The following DAZAP1 variants were observed in gnomAD, a reference collection of about 807,000 sequenced individuals.
The protein encoded by DAZAP1 is DAZ associated protein 1, also known as DAZ-associated protein 1.
A neutral mutation model predicts 60.1 loss-of-function variants in DAZAP1; 6 were observed. The ratio of observed to expected loss-of-function variants is 0.10; its 90% CI spans 0.05 to 0.20. The LOEUF is 0.20. Ranked by LOEUF, DAZAP1 falls within the 10% of genes least tolerant of loss-of-function variation. The pLI is 1.00. For synonymous variants in DAZAP1, 235 were observed against 215.9 expected (o/e 1.09, Z -0.78); for missense variants, 366 against 560.4 (o/e 0.65, Z 3.50).
At chr19:1,419,223 A>T (rs1018097738) in intron 4 of DAZAP1, among the ~76,000 whole-genome samples, 5 of 152,154 alleles carry the variant, frequency 3.3e-5, no homozygotes, top group African/African-American at 1.2e-4. Context: ...TCTCCTTGGC[A>T]TTTGGGTCTC....
At chr19:1,417,639 T>C (rs2083026281) in intron 2 of DAZAP1, 99 bp downstream of exon 2, 2 of 1,130,698 alleles carry the variant, frequency 1.8e-6, no homozygotes, top group Non-Finnish European at 2.6e-6. Flanking sequence ...TCTTGGATAT[T>C]TTAAAGTCCT....
Position 1,430,254 on chromosome 19 carries a change from G to GCCCCCCCCCCC in DAZAP1, c.770_771insCCCCCCCCCCC (p.Pro261ArgfsTer78). On this transcript the variant is annotated frameshift_variant, in exon 10 of 12. Coordinates refer to ENST00000233078, the MANE Select transcript of DAZAP1 (RefSeq NM_018959.4). LOFTEE classifies it high-confidence loss of function. ...TGGACCGCCCCCTGCAGGAAGAGGA[G>GCCCCCCCCCCC]CCCCCCCGCCACCCCCACCGTTCAC... 2.2e-5 allele frequency: 28 copies of GCCCCCCCCCCC among 1,295,178 alleles called. No individual in the cohort carries two copies. The highest frequency in any genetic ancestry group is 3.0e-5 in the Non-Finnish European group (28 of 924,000). 80.2% of individuals were successfully genotyped at this position (1,295,178 alleles called of 1,614,324 possible). A position where few individuals can be genotyped will look rare whatever the true frequency, so the allele number is the denominator to read the frequency against.
rs1314505494 is a variant in DAZAP1, at chr19:1,423,130, G to T, written c.463+734G>T. On this transcript the variant is annotated intron_variant, in intron 6 of 11. Transcript: ENST00000233078. This position sits in a 1 kb window ranked among gnomAD's most constrained non-coding sequence, Gnocchi z 6.8. ...GCCTGGGTCTGCCCGCCACGTCCGT[G>T]CCGCCCCCGCACCACCGGCCCAGGT... Among the ~76,000 whole-genome samples, 1 of 151,678 alleles carries T rather than the reference G, an allele frequency of 6.6e-6. No individual in the cohort carries two copies. The highest frequency in any genetic ancestry group is 1.5e-5 in the Non-Finnish European group (1 of 68,016).
rs1485363988 is a variant in DAZAP1, at chr19:1,418,031, G to A, written c.71-173G>A. Among the ~76,000 whole-genome samples the A allele has an allele frequency of 3.9e-5, 6 of 152,314 alleles. No homozygotes were observed. The South Asian group carries it at 8.3e-4, about 21-fold the overall frequency. On this transcript the variant is annotated intron_variant, in intron 2 of 11. Coordinates refer to ENST00000233078, the MANE Select transcript of DAZAP1 (RefSeq NM_018959.4). The surrounding 1 kb of genome is among the most constrained non-coding windows in gnomAD (Gnocchi z 5.7). ...CCCCTGATTTACGTGAGGACCTCAAGTGTGTGTTGGGCAGAATTCCCCAGC... is the reference window on the plus strand; with the variant it reads ...CCCCTGATTTACGTGAGGACCTCAAATGTGTGTTGGGCAGAATTCCCCAGC...
chr19:1,425,751 G>C lies in DAZAP1; in HGVS notation c.464-127G>C. The C allele has an allele frequency of 1.4e-6, 1 of 711,810 alleles. No homozygotes were observed. Among genetic ancestry groups the C allele is most frequent in the Non-Finnish European group, 2.5e-6 (1 of 392,654 alleles). 44.1% of individuals were successfully genotyped at this position (711,810 alleles called of 1,614,324 possible). ...AGGGAGGCAGCTGCCCCAGGGGCCC[G>C]CAGCGCCCCACACACAGCTTAGCTG... On this transcript the variant is annotated intron_variant, in intron 6 of 11. Transcript: ENST00000233078. The surrounding 1 kb of genome is among the most constrained non-coding windows in gnomAD (Gnocchi z 5.4).
intron 4 of DAZAP1, among the ~76,000 whole-genome samples, chr19:1,420,489 A>G (rs1373338888): frequency 6.6e-6 from 1 of 151,834 alleles, no homozygotes; most frequent in East Asian, 1.9e-4. Flanking sequence ...ATAGGGAAAA[A>G]AAAAAAAAAG....
intron 1 of DAZAP1, among the ~76,000 whole-genome samples, chr19:1,409,399 T>G (rs2082759924): frequency 6.6e-6 from 1 of 152,218 alleles, no homozygotes; most frequent in Non-Finnish European, 1.5e-5. Context: ...GTCCCCTCCC[T>G]GCATGGACAC....
In DAZAP1 at chr19:1,425,380, G is replaced by A. The variant is rs573029838; in HGVS notation, c.464-498G>A. Among the ~76,000 whole-genome samples, 3 of 152,292 alleles carry A rather than the reference G, an allele frequency of 2.0e-5. No homozygotes were observed. Among genetic ancestry groups the A allele is most frequent in the African/African-American group, 7.2e-5 (3 of 41,568 alleles). On this transcript the variant is annotated intron_variant, in intron 6 of 11. Transcript: ENST00000233078. The surrounding 1 kb of genome is among the most constrained non-coding windows in gnomAD (Gnocchi z 5.4). The stretch of plus-strand genomic sequence containing the variant: ...TCAGAGAAGCATACACACATCCACG[G>A]TGCACACCCCTGACTAAGATGGCGC...
In DAZAP1 at chr19:1,433,824, C is replaced by A. The variant is rs764675500; in HGVS notation, c.1049-913C>A. ...TGGTCAGGCTGAGCAGTGATGTGGC[C>A]TAGGTAGGTGCCGCCTCCTTCTCCA... On this transcript the variant is annotated intron_variant, in intron 11 of 11. Coordinates refer to ENST00000233078, the MANE Select transcript of DAZAP1 (RefSeq NM_018959.4). The surrounding 1 kb of genome is among the most constrained non-coding windows in gnomAD (Gnocchi z 6.1). 5 of 1,613,564 alleles carry A rather than the reference C, an allele frequency of 3.1e-6. No individual in the cohort carries two copies. Among genetic ancestry groups the A allele is most frequent in the South Asian group, 1.1e-5 (1 of 91,086 alleles).
intron 4 of DAZAP1, 115 bp from the exon 5 acceptor site, chr19:1,421,033 C>G (rs2083139731): frequency 1.2e-6 from 1 of 859,626 alleles, no homozygotes; most frequent in Non-Finnish European, 1.9e-6. Context: ...GTGTTCTGCT[C>G]TGGCTTTCAG....
Position 1,435,609 on chromosome 19 carries a change from C to T in DAZAP1, c.*697C>T, listed in dbSNP as rs2083579157. The T allele has an allele frequency of 1.3e-5, 2 of 152,290 alleles. No individual in the cohort carries two copies. Among genetic ancestry groups the T allele is most frequent in the African/African-American group, 4.8e-5 (2 of 41,480 alleles). 9.4% of individuals were successfully genotyped at this position (152,290 alleles called of 1,614,324 possible). A position where few individuals can be genotyped will look rare whatever the true frequency, so the allele number is the denominator to read the frequency against. Reference sequence around the variant, plus strand: ...CGAGTAGGAAGCCTTTCTCCCCAGGCACGTGGCTTCAGGGCGTTTCCCATT... The same window carrying T: ...CGAGTAGGAAGCCTTTCTCCCCAGGTACGTGGCTTCAGGGCGTTTCCCATT... On this transcript the variant is annotated 3_prime_UTR_variant, in exon 12 of 12. Transcript: ENST00000233078.
chr19:1,433,279 C>A lies in DAZAP1; in HGVS notation c.1048+589C>A, dbSNP rs998302226. 1.5e-5 allele frequency: 3 copies of A among 203,264 alleles called. No homozygotes were observed. The highest frequency in any genetic ancestry group is 7.1e-5 in the African/African-American group (3 of 42,404). The allele number at this position is 203,264 out of a possible 1,614,324, so 12.6% of individuals were successfully genotyped here. A position where few individuals can be genotyped will look rare whatever the true frequency, so the allele number is the denominator to read the frequency against. On this transcript the variant is annotated intron_variant, in intron 11 of 11. Coordinates refer to ENST00000233078, the MANE Select transcript of DAZAP1 (RefSeq NM_018959.4). The surrounding 1 kb of genome is among the most constrained non-coding windows in gnomAD (Gnocchi z 6.1). ...GGTCAAGGTCTGCATGTCAGTAGTT[C>A]TCGCCCTGCACTGAGCCAGGAGTCA...
chr19:1,411,623 A>G (rs2082833669), intron 1 of DAZAP1, among the ~76,000 whole-genome samples: 1 of 152,210 alleles, frequency 6.6e-6, no homozygotes, highest in South Asian at 2.1e-4. Context: ...CCCTTCACAC[A>G]GCAGCTCCCC....
Position 1,428,489 on chromosome 19 carries a change from T to G in DAZAP1, c.547-353T>G. The stretch of plus-strand genomic sequence containing the variant: ...AGATCCTGGTCCCTTTTTGTCCCCA[T>G]GTTTTCAAGAGGAAGGAGGACGCTG... On this transcript the variant is annotated intron_variant, in intron 7 of 11. Coordinates refer to ENST00000233078, the MANE Select transcript of DAZAP1 (RefSeq NM_018959.4). The surrounding 1 kb of genome is among the most constrained non-coding windows in gnomAD (Gnocchi z 4.0). 1 of 208,638 alleles carries G rather than the reference T, an allele frequency of 4.8e-6. No individual in the cohort carries two copies. The allele number at this position is 208,638 out of a possible 1,614,324, so 12.9% of individuals were successfully genotyped here.
chr19:1,421,314 C>A, intron 5 of DAZAP1, 56 bp downstream of exon 5: 1 of 1,524,476 alleles, frequency 6.6e-7, no homozygotes, highest in Non-Finnish European at 9.1e-7. Flanking sequence ...TCTGCTCAGG[C>A]CTGGGCCTTC....
rs747675536 is a variant in DAZAP1 at position 1,433,671 on chromosome 19, G to T, written c.1048+981G>T. Reference sequence around the variant, plus strand: ...GTGTGAGGCGCCCGGTTGGGGCGTGGCGTGTGTCAGCCGCTGCTCTTGGTG... The same window carrying T: ...GTGTGAGGCGCCCGGTTGGGGCGTGTCGTGTGTCAGCCGCTGCTCTTGGTG... On this transcript the variant is annotated intron_variant, in intron 11 of 11. Transcript: ENST00000233078. This position sits in a 1 kb window ranked among gnomAD's most constrained non-coding sequence, Gnocchi z 6.1. 144 of 1,326,282 alleles carry T rather than the reference G, an allele frequency of 1.1e-4. No individual in the cohort carries two copies. The highest frequency in any genetic ancestry group is 1.4e-4 in the Non-Finnish European group (130 of 923,854). The allele number at this position is 1,326,282 out of a possible 1,614,324, so 82.2% of individuals were successfully genotyped here. A position where few individuals can be genotyped will look rare whatever the true frequency, so the allele number is the denominator to read the frequency against.
At chr19:1,415,543 G>T (rs923351587) in intron 1 of DAZAP1, among the ~76,000 whole-genome samples, 1 of 151,954 alleles carries the variant, frequency 6.6e-6, no homozygotes, top group Non-Finnish European at 1.5e-5. Context: ...GCCGGGCCCT[G>T]CTGGCAGGGA....
In DAZAP1 at chr19:1,426,951, A is replaced by G. The variant is rs1411034349; in HGVS notation, c.546+991A>G. 1.3e-5 allele frequency: 2 copies of G among 152,236 alleles called. No individual in the cohort carries two copies. Among genetic ancestry groups the G allele is most frequent in the East Asian group, 1.9e-4 (1 of 5,202 alleles). 9.4% of individuals were successfully genotyped at this position (152,236 alleles called of 1,614,324 possible). On this transcript the variant is annotated intron_variant, in intron 7 of 11. Transcript: ENST00000233078. This position sits in a 1 kb window ranked among gnomAD's most constrained non-coding sequence, Gnocchi z 5.4. ...TCCTGGAGGGAGCATCGTGCTCATT[A>G]TCTCCTGCCCCTGCCCTCTACCCCA...
rs771840098 is a variant in DAZAP1 at position 1,430,205 on chromosome 19, C to G, written c.731-17C>G. On this transcript the variant is annotated splice_polypyrimidine_tract_variant and intron_variant, in intron 9 of 11. Transcript: ENST00000233078. ...TCCAGCGCTCTCTGTCCATCACCCCCGTACTGTGTGTTTCAGGTGGCTATG... is the reference window on the plus strand; with the variant it reads ...TCCAGCGCTCTCTGTCCATCACCCCGGTACTGTGTGTTTCAGGTGGCTATG... 82 of 1,589,142 alleles carry G rather than the reference C, an allele frequency of 5.2e-5. 3 individuals carry two copies. In the South Asian group the frequency reaches 9.1e-4, roughly 18 times the overall value.
Sources: allele counts gnomAD v4.1 joint callset (sites outside exome capture counted in the v4.1 genomes callset), GRCh38; gene constraint gnomAD v4.1.1; non-coding constraint Gnocchi (gnomAD v3.1); transcripts MANE v1.5; gene names NCBI Gene and HGNC (gene_info 2026-07-23, HGNC 2026-07-21).